CEP63: variants seen among roughly 807,000 people sequenced by gnomAD.
CEP63 encodes the protein centrosomal protein 63, also known as centrosomal protein of 63 kDa.
A neutral mutation model predicts 89.1 loss-of-function variants in CEP63; 84 were observed. That is an observed-to-expected ratio of 0.94 (90% confidence interval 0.79 to 1.13). The LOEUF (loss-of-function observed/expected upper bound fraction) is 1.13. CEP63 is among the 50% of genes most tolerant of loss of function. The pLI is 0.00. For synonymous variants in CEP63, 267 were observed against 272.5 expected (o/e 0.98, Z 0.20); for missense variants, 838 against 813.3 (o/e 1.03, Z -0.37).
the CEP63 span, among the ~76,000 whole-genome samples, chr3:134,638,561 G>C: frequency 6.6e-6 from 1 of 152,184 alleles, no homozygotes; most frequent in Admixed American, 6.5e-5. Context: ...GACCGTCTTA[G>C]TTAAGAGCAT....
At chr3:134,530,642 T>G (rs1949685675) in intron 3 of CEP63, among the ~76,000 whole-genome samples, 1 of 152,194 alleles carries the variant, frequency 6.6e-6, no homozygotes, top group African/African-American at 2.4e-5. Flanking sequence ...CTCAGAAAAT[T>G]TCCTTTCATC....
the CEP63 span, among the ~76,000 whole-genome samples, chr3:134,656,183 A>G: frequency 6.6e-6 from 1 of 152,180 alleles, no homozygotes; most frequent in East Asian, 1.9e-4. Flanking sequence ...CCCAGAGAGG[A>G]GGGGCCAGGA....
the CEP63 span, among the ~76,000 whole-genome samples, chr3:134,640,164 C>G: frequency 6.6e-6 from 1 of 151,730 alleles, no homozygotes; most frequent in East Asian, 1.9e-4. Context: ...AAATGTTGAA[C>G]CATTCCGAGC....
At chr3:134,520,490 G>T (rs1947212557) in intron 3 of CEP63, among the ~76,000 whole-genome samples, 1 of 152,202 alleles carries the variant, frequency 6.6e-6, no homozygotes, top group East Asian at 1.9e-4. Context: ...CTCCAATTTT[G>T]ATCTATTCAG....
At chr3:134,684,565 C>A in the CEP63 span, among the ~76,000 whole-genome samples, 1 of 152,244 alleles carries the variant, frequency 6.6e-6, no homozygotes, top group Non-Finnish European at 1.5e-5. Context: ...TCTAATTCAA[C>A]AAAGGAATTC....
At chr3:134,629,518 C>T in the CEP63 span, 1 of 856,784 alleles carries the variant, frequency 1.2e-6, no homozygotes, top group Non-Finnish European at 1.9e-6. Flanking sequence ...CCATGTCACT[C>T]TTCTCCTTCC....
At chr3:134,500,038 C>T (rs1576784233) in intron 2 of CEP63, among the ~76,000 whole-genome samples, 3 of 151,900 alleles carry the variant, frequency 2.0e-5, no homozygotes, top group Admixed American at 2.0e-4. Flanking sequence ...GTTGGCCAGG[C>T]TGGTCTCGAA....
At chr3:134,683,193 G>C in the CEP63 span, among the ~76,000 whole-genome samples, 5 of 152,230 alleles carry the variant, frequency 3.3e-5, no homozygotes, top group Non-Finnish European at 5.9e-5. Flanking sequence ...CTAAAGCAAA[G>C]AGGCCTTGCA....
chr3:134,668,800 A>G, the CEP63 span, among the ~76,000 whole-genome samples: 739 of 152,172 alleles, frequency 4.9e-3, 4 homozygotes, highest in African/African-American at 0.017. Flanking sequence ...TGGTTTCTTA[A>G]TAAAGCATAT....
chr3:134,593,590 C>T, the CEP63 span, among the ~76,000 whole-genome samples: 850 of 152,240 alleles, frequency 5.6e-3, 7 homozygotes, highest in African/African-American at 0.019. Context: ...TGACTGCCAA[C>T]GCTGAGGAGG....
chr3:134,486,112 A>G lies in CEP63; in HGVS notation c.-116A>G. 6.1e-6 allele frequency: 6 copies of G among 985,502 alleles called. No homozygotes were observed. The highest frequency in any genetic ancestry group is 7.2e-6 in the Non-Finnish European group (6 of 830,016). The allele number at this position is 985,502 out of a possible 1,614,324, so 61.0% of individuals were successfully genotyped here. A position where few individuals can be genotyped will look rare whatever the true frequency, so the allele number is the denominator to read the frequency against. On this transcript the variant is annotated 5_prime_UTR_variant, in exon 1 of 15. Transcript: ENST00000675561. ...GAGAAGGCATTGTTTCAATTATTAA[A>G]AGTGTGGGGGCAGTGGGCGGAACAA...
chr3:134,663,901 A>G, the CEP63 span, among the ~76,000 whole-genome samples: 3 of 152,090 alleles, frequency 2.0e-5, no homozygotes, highest in Admixed American at 1.3e-4. Flanking sequence ...GCCTTCTCCC[A>G]CTGCATCCTG....
chr3:134,641,515 G>T, the CEP63 span, among the ~76,000 whole-genome samples: 1 of 152,160 alleles, frequency 6.6e-6, no homozygotes, highest in Non-Finnish European at 1.5e-5. Flanking sequence ...GCCTCTAGCA[G>T]CAGGAAGAGG....
At chr3:134,651,005 G>C in the CEP63 span, 1 of 1,610,884 alleles carries the variant, frequency 6.2e-7, no homozygotes, top group Non-Finnish European at 8.5e-7. Context: ...CGCACGCTAG[G>C]CTGCTTGCGC....
At chr3:134,501,295 G>C (rs917899409) in intron 2 of CEP63, among the ~76,000 whole-genome samples, 1 of 152,100 alleles carries the variant, frequency 6.6e-6, no homozygotes, top group Admixed American at 6.5e-5. Flanking sequence ...TTCTTGCATA[G>C]GGTTGCTTTG....
At chr3:134,505,394 T>TGTGAGTTTTTCA (rs1390649110) in intron 2 of CEP63, among the ~76,000 whole-genome samples, 1 of 152,214 alleles carries the variant, frequency 6.6e-6, no homozygotes, top group East Asian at 1.9e-4. Flanking sequence ...CAGTGGTTTC[T>TGTGAGTTTTTCA]GTGAGTTTTT....
the CEP63 span, among the ~76,000 whole-genome samples, chr3:134,713,640 G>C: frequency 6.6e-6 from 1 of 152,160 alleles, no homozygotes; most frequent in Non-Finnish European, 1.5e-5. Flanking sequence ...AGAGGTCCAA[G>C]CTGGGTGCAG....
chr3:134,532,692 G>A, intron 4 of CEP63, 86 bp from the exon 5 acceptor site: 1 of 1,102,030 alleles, frequency 9.1e-7, no homozygotes, highest in Non-Finnish European at 1.4e-6. Context: ...GGTTAGCACT[G>A]CTCTTGTTTT....
At chr3:134,772,006 A>C in the CEP63 span, among the ~76,000 whole-genome samples, 1 of 152,186 alleles carries the variant, frequency 6.6e-6, no homozygotes, top group Non-Finnish European at 1.5e-5. Flanking sequence ...AAAAATTGCC[A>C]TGGATGAGGG....
Sources: gnomAD v4.1 joint callset for allele counts (sites outside exome capture counted in the v4.1 genomes callset) on GRCh38, gnomAD v4.1.1 for gene constraint, MANE v1.5 for transcripts, NCBI Gene and HGNC (gene_info 2026-07-23, HGNC 2026-07-21) for gene names.